Variants in SLC9A2 observed in about 807,000 individuals in gnomAD.
SLC9A2 encodes sodium/hydrogen exchanger 2.
Under a neutral mutation model 71.7 loss-of-function variants are expected in SLC9A2, and 42 were observed. That is an observed-to-expected ratio of 0.59 (90% CI 0.46 to 0.76). The LOEUF (loss-of-function observed/expected upper bound fraction) is 0.76, where lower values mean the gene tolerates loss of function less well. Ranked by LOEUF, SLC9A2 falls within the 30% of genes least tolerant of loss-of-function variation. The probability of loss-of-function intolerance (pLI) is 0.00; values close to 1 mark genes in which losing one functional copy is unlikely to be tolerated. For synonymous variants in SLC9A2, 396 were observed against 392.5 expected (o/e 1.01, Z -0.10); for missense variants, 829 against 1,017.4 (o/e 0.81, Z 2.52).
chr2:102,666,341 G>GC (rs1482108650), intron 3 of SLC9A2, among the ~76,000 whole-genome samples: 1 of 151,844 alleles, frequency 6.6e-6, no homozygotes, highest in Admixed American at 6.6e-5. Flanking sequence ...GACTGCAGGC[G>GC]CCCGCCACCA....
chr2:102,706,555 C>T (rs1444985589), intron 11 of SLC9A2, among the ~76,000 whole-genome samples: 1 of 151,770 alleles, frequency 6.6e-6, no homozygotes, highest in Non-Finnish European at 1.5e-5. Context: ...GCACATGTAC[C>T]CTAAAACTTA....
chr2:102,633,250 T>A (rs1007423981), intron 1 of SLC9A2, among the ~76,000 whole-genome samples: 1 of 152,104 alleles, frequency 6.6e-6, no homozygotes, highest in Non-Finnish European at 1.5e-5. Context: ...TTAGGGAGCT[T>A]AGGTAACTTG....
At chr2:102,684,900 G>T (rs1311905808) in intron 5 of SLC9A2, among the ~76,000 whole-genome samples, 1 of 152,164 alleles carries the variant, frequency 6.6e-6, no homozygotes, top group Non-Finnish European at 1.5e-5. Context: ...TAAGTGCCAG[G>T]CAGTGCTCTA....
chr2:102,705,958 G>C (rs1006067604), intron 11 of SLC9A2, 22 bp downstream of exon 11: 1 of 1,428,808 alleles, frequency 7.0e-7, no homozygotes, highest in African/African-American at 1.5e-5. Flanking sequence ...AGTTGGAGCA[G>C]AAAAATTTTA....
At chr2:102,628,113 A>T (rs1309646266) in intron 1 of SLC9A2, among the ~76,000 whole-genome samples, 2 of 152,164 alleles carry the variant, frequency 1.3e-5, no homozygotes, top group African/African-American at 4.8e-5. Flanking sequence ...TGTACACTTA[A>T]GACTCTGTCA....
chr2:102,661,350 G>C (rs186315908), intron 2 of SLC9A2, among the ~76,000 whole-genome samples: 51 of 152,328 alleles, frequency 3.3e-4, no homozygotes, highest in African/African-American at 1.1e-3. Context: ...ATGGACCCCA[G>C]AGGCCCAGTC....
chr2:102,629,079 C>T (rs764204826), intron 1 of SLC9A2, among the ~76,000 whole-genome samples: 20 of 152,028 alleles, frequency 1.3e-4, no homozygotes, highest in Non-Finnish European at 1.6e-4. Flanking sequence ...TTTCTAATTA[C>T]GGTGTTAAAA....
At chr2:102,631,906 T>C (rs868673950) in intron 1 of SLC9A2, among the ~76,000 whole-genome samples, 18 of 149,640 alleles carry the variant, frequency 1.2e-4, no homozygotes, top group African/African-American at 4.4e-4. Context: ...GAAGACCCTG[T>C]TGTAATTCCA....
intron 1 of SLC9A2, among the ~76,000 whole-genome samples, chr2:102,644,677 A>G (rs1400260353): frequency 6.6e-6 from 1 of 152,138 alleles, no homozygotes; most frequent in African/African-American, 2.4e-5. Flanking sequence ...TTTTCCCCTT[A>G]CAGTGTTAAC....
Position 102,620,147 on chromosome 2 carries a change from C to T in SLC9A2, c.289+10C>T, listed in dbSNP as rs768523808. ...TCCCTGGCCAAGATTGGTGAGCGAA[C>T]TGGACTTGTGGGGAATGGGAGGGGG... On this transcript the variant is annotated intron_variant, in intron 1 of 11. Transcript: ENST00000233969. 1.3e-6 allele frequency: 2 copies of T among 1,592,376 alleles called. No individual in the cohort carries two copies. The highest frequency in any genetic ancestry group is 2.3e-5 in the East Asian group (1 of 44,010).
At position 102,694,464 on chromosome 2, in the gene SLC9A2, T is replaced by G; in HGVS notation, c.1476T>G (p.Asn492Lys). ...AGTTTCTTGATGTCAAGAGGTCCAA[T>G]AAGAAACAACAAGCTGTCAGTGAAG... ...LVEFLDVKRS[N>K]KKQQAVSEEI... The change falls in exon 6 of 12, where the codon AAT becomes AAG. Residue 492 changes from asparagine to lysine, a missense_variant. Around this residue, in one of 3 missense-constraint regions of SLC9A2, gnomAD observed 500 missense variants for 726.3 expected, o/e 0.69. Transcript: ENST00000233969. The G allele has an allele frequency of 2.6e-6, 4 of 1,543,854 alleles. No homozygotes were observed. The highest frequency in any genetic ancestry group is 3.5e-6 in the Non-Finnish European group (4 of 1,135,012).
intron 7 of SLC9A2, among the ~76,000 whole-genome samples, chr2:102,698,794 T>G (rs1287814406): frequency 6.6e-6 from 1 of 152,204 alleles, no homozygotes; most frequent in African/African-American, 2.4e-5. Context: ...TGTCTGCTAA[T>G]AGCCCACTGA....
At position 102,628,433 on chromosome 2, in the gene SLC9A2, T is replaced by C. The variant is rs567643859; in HGVS notation, c.289+8296T>C. On this transcript the variant is annotated intron_variant, in intron 1 of 11. Transcript: ENST00000233969. ...ATCTTCATGGAGCCAAAGGAATGCTTCATGAACTAAAATAGGATTATTCAA... is the reference window on the plus strand; with the variant it reads ...ATCTTCATGGAGCCAAAGGAATGCTCCATGAACTAAAATAGGATTATTCAA... Among the ~76,000 whole-genome samples the C allele has an allele frequency of 2.0e-5, 3 of 152,248 alleles. No homozygotes were observed. The South Asian group carries it at 6.2e-4, about 32-fold the overall frequency.
At chr2:102,667,144 G>A (rs1016891360) in intron 3 of SLC9A2, among the ~76,000 whole-genome samples, 11 of 152,172 alleles carry the variant, frequency 7.2e-5, no homozygotes, top group Admixed American at 5.9e-4. Context: ...ATAAAGCAAC[G>A]CATTAATCTA....
At chr2:102,633,883 A>G (rs1676420052) in intron 1 of SLC9A2, among the ~76,000 whole-genome samples, 1 of 152,230 alleles carries the variant, frequency 6.6e-6, no homozygotes, top group Non-Finnish European at 1.5e-5. Context: ...AGGAGAAAAG[A>G]TGTTAAATAT....
rs761789669 is a variant in SLC9A2 at position 102,710,454 on chromosome 2, A to G, written c.*1965A>G. 1.6e-4 allele frequency: 25 copies of G among 151,804 alleles called. No homozygotes were observed. Among genetic ancestry groups the G allele is most frequent in the Non-Finnish European group, 2.8e-4 (19 of 67,854 alleles). The allele number at this position is 151,804 out of a possible 1,614,324, so 9.4% of individuals were successfully genotyped here. A position where few individuals can be genotyped will look rare whatever the true frequency, so the allele number is the denominator to read the frequency against. On this transcript the variant is annotated 3_prime_UTR_variant, in exon 12 of 12. Coordinates refer to ENST00000233969, the MANE Select transcript of SLC9A2 (RefSeq NM_003048.6). ...TCCTATGTTTATAACTATTATAAAG[A>G]GTTTAACTTTCTGGAACTGAAGGAG...
At chr2:102,627,493 T>C (rs1354847847) in intron 1 of SLC9A2, among the ~76,000 whole-genome samples, 1 of 152,212 alleles carries the variant, frequency 6.6e-6, no homozygotes, top group East Asian at 1.9e-4. Context: ...TGGTAATTTG[T>C]ATTTTTTATA....
chr2:102,644,806 C>T (rs2098341), intron 1 of SLC9A2, among the ~76,000 whole-genome samples: 56,977 of 152,090 alleles, frequency 0.37, 11,532 homozygotes, highest in East Asian at 0.68. Context: ...CTGTCAAGGG[C>T]TTATAGATAA....
intron 1 of SLC9A2, among the ~76,000 whole-genome samples, chr2:102,622,861 G>A (rs1324949641): frequency 6.6e-6 from 1 of 152,158 alleles, no homozygotes; most frequent in Non-Finnish European, 1.5e-5. Flanking sequence ...GTCCTGGGCT[G>A]CCACCTGTCT....
Sources: allele counts gnomAD v4.1 joint callset (sites outside exome capture counted in the v4.1 genomes callset), GRCh38; gene constraint gnomAD v4.1.1; regional missense constraint gnomAD v4.1.1; transcripts MANE v1.5; gene names NCBI Gene and HGNC (gene_info 2026-07-23, HGNC 2026-07-21).